Variants in ADCY5 observed in about 807,000 individuals in gnomAD.
The protein encoded by ADCY5 is adenylate cyclase type 5.
A neutral mutation model predicts 119.7 loss-of-function variants in ADCY5; 30 were observed. The observed-to-expected ratio is 0.25, with a 90% confidence interval of 0.19 to 0.34. The LOEUF is 0.34. ADCY5 is among the 10% of genes least tolerant of loss of function. The pLI is 1.00. For synonymous variants in ADCY5, 753 were observed against 762.2 expected (o/e 0.99, Z 0.20); for missense variants, 1,324 against 1,775.2 (o/e 0.75, Z 4.57).
chr3:123,417,851 G>A (rs538163440), intron 1 of ADCY5, among the ~76,000 whole-genome samples: 18 of 152,260 alleles, frequency 1.2e-4, no homozygotes, highest in African/African-American at 2.6e-4. Context: ...ATAGAACTCC[G>A]AAAATGATAT....
At chr3:123,371,509 C>T (rs1030440704) in intron 1 of ADCY5, among the ~76,000 whole-genome samples, 1 of 152,212 alleles carries the variant, frequency 6.6e-6, no homozygotes, top group Non-Finnish European at 1.5e-5. Flanking sequence ...AAGCACCAGG[C>T]ACAGGCCTGG....
At chr3:123,365,621 TG>T in intron 1 of ADCY5, among the ~76,000 whole-genome samples, 1 of 152,016 alleles carries the variant, frequency 6.6e-6, no homozygotes, top group East Asian at 1.9e-4. Flanking sequence ...TTGGAGTGAG[TG>T]GGTTATGAGT....
At chr3:123,368,067 G>A in intron 1 of ADCY5, 1 of 1,442,524 alleles carries the variant, frequency 6.9e-7, no homozygotes, top group African/African-American at 1.4e-5. Context: ...GAGGCAGGAA[G>A]ATTCAGTGAG....
intron 1 of ADCY5, among the ~76,000 whole-genome samples, chr3:123,402,564 T>A (rs1171425788): frequency 6.6e-6 from 1 of 152,200 alleles, no homozygotes; most frequent in African/African-American, 2.4e-5. Flanking sequence ...AAAGGAGCCC[T>A]AGTCGGCTGG....
At chr3:123,435,866 A>G (rs1356850424) in intron 1 of ADCY5, among the ~76,000 whole-genome samples, 1 of 142,440 alleles carries the variant, frequency 7.0e-6, no homozygotes, top group African/African-American at 2.6e-5. Context: ...TATTATTATT[A>G]TTATTATTAT....
intron 1 of ADCY5, among the ~76,000 whole-genome samples, chr3:123,388,563 A>G (rs1464576164): frequency 8.1e-6 from 1 of 123,328 alleles, no homozygotes; most frequent in Non-Finnish European, 2.0e-5. Flanking sequence ...AGAGGGACAG[A>G]TATGGGGAGG....
At chr3:123,323,415 T>C (rs539331838) in intron 8 of ADCY5, among the ~76,000 whole-genome samples, 2 of 152,244 alleles carry the variant, frequency 1.3e-5, no homozygotes, top group African/African-American at 4.8e-5. Context: ...TTATATCAAA[T>C]ATCACTAAAA....
intron 1 of ADCY5, among the ~76,000 whole-genome samples, chr3:123,381,272 C>T (rs1944021303): frequency 6.6e-6 from 1 of 152,226 alleles, no homozygotes; most frequent in South Asian, 2.1e-4. Context: ...GGGGTCAGGG[C>T]AGGAGCTTGG....
chr3:123,365,827 T>G (rs1248968561), intron 1 of ADCY5, among the ~76,000 whole-genome samples: 1 of 151,656 alleles, frequency 6.6e-6, no homozygotes, highest in Non-Finnish European at 1.5e-5. Context: ...GGACAGCGAG[T>G]GGGTCACAGC....
intron 1 of ADCY5, among the ~76,000 whole-genome samples, chr3:123,393,504 C>T (rs1032644381): frequency 2.6e-5 from 4 of 151,910 alleles, no homozygotes; most frequent in Admixed American, 2.6e-4. Context: ...CCACAGTAAG[C>T]TATGACTGTG....
intron 1 of ADCY5, among the ~76,000 whole-genome samples, chr3:123,430,574 T>C (rs1291395988): frequency 1.3e-5 from 2 of 152,258 alleles, no homozygotes; most frequent in African/African-American, 4.8e-5. Flanking sequence ...CTAACGGGCT[T>C]TTCTAGGCCA....
chr3:123,423,132 T>C (rs1576687143), intron 1 of ADCY5, among the ~76,000 whole-genome samples: 2 of 152,112 alleles, frequency 1.3e-5, no homozygotes, highest in East Asian at 3.9e-4. Context: ...CTGGCCTCAC[T>C]CTTGAGCCCA....
At position 123,300,271 on chromosome 3, in the gene ADCY5, T is replaced by A. The variant is rs1202973365; in HGVS notation, c.2749A>T (p.Ser917Cys). Residue 917 changes from serine to cysteine, a missense_variant, in exon 15 of 21, where the codon AGC becomes TGC. Around this residue, in one of 6 missense-constraint regions of ADCY5, gnomAD observed 424 missense variants for 546.8 expected, o/e 0.78. Coordinates refer to ENST00000462833, the MANE Select transcript of ADCY5 (RefSeq NM_183357.3). ...AGGAACACGGAGCAGGCCAGCAGGC[T>A]GAGCAGCACGCTGTAGGTGAAGTAC... The part of the protein sequence containing the change: ...PEYFTYSVLL[S>C]LLACSVFLQI... 1 of 1,613,340 alleles carries A rather than the reference T, an allele frequency of 6.2e-7. No individual in the cohort carries two copies. Among genetic ancestry groups the A allele is most frequent in the East Asian group, 2.2e-5 (1 of 44,894 alleles).
intron 20 of ADCY5, among the ~76,000 whole-genome samples, chr3:123,285,710 C>T (rs1309708388): frequency 1.3e-5 from 2 of 152,200 alleles, no homozygotes; most frequent in Non-Finnish European, 2.9e-5. Context: ...TTGCGCCTGT[C>T]CCTGAATGGG....
intron 8 of ADCY5, among the ~76,000 whole-genome samples, chr3:123,323,482 C>G (rs1309772458): frequency 6.6e-6 from 1 of 152,082 alleles, no homozygotes; most frequent in Non-Finnish European, 1.5e-5. Flanking sequence ...GCCCTGCCTC[C>G]CTGCTGGTTG....
At chr3:123,354,028 C>T (rs1031923199) in intron 1 of ADCY5, among the ~76,000 whole-genome samples, 5 of 152,182 alleles carry the variant, frequency 3.3e-5, no homozygotes, top group Non-Finnish European at 7.3e-5. Context: ...AGATTTCTAG[C>T]TCCACTGACT....
intron 12 of ADCY5, among the ~76,000 whole-genome samples, chr3:123,305,227 G>A (rs187522043): frequency 1.9e-3 from 295 of 152,246 alleles, no homozygotes; most frequent in African/African-American, 6.4e-3. Context: ...GCAGGCAAAG[G>A]TCTCTACCCC....
chr3:123,291,212 G>A lies in ADCY5; in HGVS notation c.3228C>T (p.Ser1076=), dbSNP rs749335152. ...CGTAGAACTCGGAGAAGTTGGCGAT[G>A]GAGGCGAACATGACCGCCACACACT... ...SCECVAVMFA[S]IANFSEFYVE... Residue 1076 remains serine (S), a synonymous_variant, in exon 18 of 21, where the codon TCC becomes TCT. Coordinates refer to ENST00000462833, the MANE Select transcript of ADCY5 (RefSeq NM_183357.3). The A allele has an allele frequency of 1.9e-6, 3 of 1,614,080 alleles. No homozygotes were observed. Among genetic ancestry groups the A allele is most frequent in the Non-Finnish European group, 2.5e-6 (3 of 1,180,034 alleles).
intron 5 of ADCY5, 82 bp downstream of exon 5, chr3:123,330,807 T>TAGGCAGGGAA: frequency 6.8e-7 from 1 of 1,476,648 alleles, no homozygotes; most frequent in Admixed American, 2.3e-5. Flanking sequence ...TGCCTCCAAC[T>TAGGCAGGGAA]AGGCAGCCGG....
Sources: allele counts gnomAD v4.1 joint callset (sites outside exome capture counted in the v4.1 genomes callset), GRCh38; gene constraint gnomAD v4.1.1; regional missense constraint gnomAD v4.1.1; transcripts MANE v1.5; gene names NCBI Gene and HGNC (gene_info 2026-07-23, HGNC 2026-07-21).